The following PTPRD variants were observed in gnomAD, a reference collection of about 807,000 sequenced individuals.
PTPRD encodes the protein receptor-type tyrosine-protein phosphatase delta.
A neutral mutation model predicts 214.5 loss-of-function variants in PTPRD; 34 were observed. The observed-to-expected ratio is 0.16, with a 90% confidence interval of 0.12 to 0.21. The LOEUF (loss-of-function observed/expected upper bound fraction) is 0.21. PTPRD is among the 10% of genes least tolerant of loss of function. PTPRD has a pLI of 1.00. For synonymous variants in PTPRD, 1,128 were observed against 845.7 expected (o/e 1.33, Z -5.79); for missense variants, 2,545 against 2,398.7 (o/e 1.06, Z -1.27).
At chr9:9,383,602 A>T (rs554058004) in intron 9 of PTPRD, among the ~76,000 whole-genome samples, 1 of 152,182 alleles carries the variant, frequency 6.6e-6, no homozygotes, top group Non-Finnish European at 1.5e-5. Flanking sequence ...CTAAGAAAAA[A>T]TTGTGATTCA....
chr9:10,066,763 T>C (rs1041229106), intron 3 of PTPRD, among the ~76,000 whole-genome samples: 4 of 151,948 alleles, frequency 2.6e-5, no homozygotes, highest in South Asian at 2.1e-4. Context: ...AAGCATTTTT[T>C]ATTATTTTAT....
chr9:8,460,667 G>A, intron 32 of PTPRD, 96 bp from the exon 33 acceptor site: 1 of 1,234,908 alleles, frequency 8.1e-7, no homozygotes, highest in South Asian at 1.5e-5. Context: ...GGAAATAGTG[G>A]ATTTAATGAT....
intron 5 of PTPRD, among the ~76,000 whole-genome samples, chr9:9,773,500 A>G (rs2098770436): frequency 6.6e-6 from 1 of 152,170 alleles, no homozygotes; most frequent in Non-Finnish European, 1.5e-5. Flanking sequence ...ATCTTCCTTA[A>G]TTCTCTAAGA....
chr9:8,742,505 A>G (rs1156984597), intron 11 of PTPRD, among the ~76,000 whole-genome samples: 1 of 152,236 alleles, frequency 6.6e-6, no homozygotes, highest in Non-Finnish European at 1.5e-5. Context: ...TATCTGTAAA[A>G]TACATTTACT....
intron 9 of PTPRD, among the ~76,000 whole-genome samples, chr9:9,238,786 G>C (rs1475585570): frequency 6.6e-6 from 1 of 152,098 alleles, no homozygotes; most frequent in Non-Finnish European, 1.5e-5. Context: ...CATTTTGAGA[G>C]ACCCAAGATT....
At chr9:10,038,834 C>T (rs1184257050) in intron 3 of PTPRD, among the ~76,000 whole-genome samples, 1 of 151,880 alleles carries the variant, frequency 6.6e-6, no homozygotes, top group African/African-American at 2.4e-5. Flanking sequence ...CTATTCCCTC[C>T]CCTCAATCCC....
At chr9:10,434,882 C>T (rs590507) in intron 2 of PTPRD, among the ~76,000 whole-genome samples, 2,673 of 151,950 alleles carry the variant, frequency 0.018, 75 homozygotes, top group African/African-American at 0.06. Context: ...TAACATGATG[C>T]TGCCCTTTGC....
intron 11 of PTPRD, among the ~76,000 whole-genome samples, chr9:8,734,360 TA>T (rs1338073002): frequency 6.6e-6 from 1 of 152,238 alleles, no homozygotes; most frequent in African/African-American, 2.4e-5. Flanking sequence ...CCATGCAGGA[TA>T]AAAGTCTATT....
At chr9:10,203,129 T>C (rs2154335450) in intron 3 of PTPRD, among the ~76,000 whole-genome samples, 2 of 151,620 alleles carry the variant, frequency 1.3e-5, no homozygotes, top group South Asian at 4.2e-4. Context: ...AGTGAGTTCC[T>C]GAGAAATCAG....
At chr9:10,017,837 A>G (rs992743467) in intron 4 of PTPRD, among the ~76,000 whole-genome samples, 4 of 152,088 alleles carry the variant, frequency 2.6e-5, no homozygotes, top group African/African-American at 7.2e-5. Context: ...ACTTTCCCCA[A>G]TTGAATGCCC....
intron 11 of PTPRD, among the ~76,000 whole-genome samples, chr9:8,864,797 T>A (rs1408220145): frequency 6.6e-6 from 1 of 152,234 alleles, no homozygotes; most frequent in Non-Finnish European, 1.5e-5. Flanking sequence ...TGGGGGTGTT[T>A]CCTTGTGCAT....
chr9:10,054,598 C>A (rs1230567558), intron 3 of PTPRD, among the ~76,000 whole-genome samples: 1 of 152,044 alleles, frequency 6.6e-6, no homozygotes, highest in Non-Finnish European at 1.5e-5. Context: ...GACGTGGGAG[C>A]CATTCCTTTG....
intron 8 of PTPRD, among the ~76,000 whole-genome samples, chr9:9,509,167 C>T (rs532035691): frequency 2.8e-4 from 42 of 151,532 alleles, no homozygotes; most frequent in Non-Finnish European, 5.3e-4. Flanking sequence ...AAAAGCCATT[C>T]TAAGTTGCTG....
chr9:9,373,183 G>C (rs372173122), intron 9 of PTPRD, among the ~76,000 whole-genome samples: 1 of 151,982 alleles, frequency 6.6e-6, no homozygotes, highest in Non-Finnish European at 1.5e-5. Flanking sequence ...TGAAGACCTG[G>C]ACTTTCTCAG....
intron 2 of PTPRD, among the ~76,000 whole-genome samples, chr9:10,512,960 T>C (rs987118288): frequency 6.6e-6 from 1 of 152,050 alleles, no homozygotes; most frequent in Non-Finnish European, 1.5e-5. Context: ...AGATCTAGGA[T>C]AGATATTATT....
intron 10 of PTPRD, among the ~76,000 whole-genome samples, chr9:9,099,711 T>A (rs2099788672): frequency 6.6e-6 from 1 of 152,230 alleles, no homozygotes; most frequent in African/African-American, 2.4e-5. Flanking sequence ...AGCGTCACGC[T>A]GTGTAATGGA....
intron 3 of PTPRD, among the ~76,000 whole-genome samples, chr9:10,324,295 A>G (rs747314735): frequency 1.3e-5 from 2 of 152,058 alleles, no homozygotes; most frequent in African/African-American, 2.4e-5. Context: ...AACAAATAGT[A>G]TCAATGCAGA....
intron 10 of PTPRD, among the ~76,000 whole-genome samples, chr9:9,055,460 A>G (rs2099694470): frequency 6.6e-6 from 1 of 152,100 alleles, no homozygotes; most frequent in African/African-American, 2.4e-5. Context: ...GTCTCATCCA[A>G]AAGTGCCCTC....
chr9:10,403,968 C>T (rs906278487), intron 2 of PTPRD, among the ~76,000 whole-genome samples: 1 of 151,540 alleles, frequency 6.6e-6, no homozygotes, highest in Non-Finnish European at 1.5e-5. Flanking sequence ...TGTACCACAG[C>T]GAGAGTGAAT....
Sources: allele counts gnomAD v4.1 joint callset (sites outside exome capture counted in the v4.1 genomes callset), GRCh38; gene constraint gnomAD v4.1.1; transcripts MANE v1.5; gene names NCBI Gene and HGNC (gene_info 2026-07-23, HGNC 2026-07-21).